The following ACOX3 variants were observed in gnomAD, a reference collection of about 807,000 sequenced individuals.
ACOX3 encodes the protein peroxisomal acyl-coenzyme A oxidase 3.
Under a neutral mutation model 81.5 loss-of-function variants are expected in ACOX3, and 73 were observed. That is an observed-to-expected ratio of 0.90 (90% CI 0.74 to 1.09). ACOX3 has a LOEUF of 1.09. Among genes scored for constraint, ACOX3 ranks in the 50% least tolerant of loss-of-function variants. ACOX3 has a pLI of 0.00. For synonymous variants in ACOX3, 387 were observed against 375.1 expected, an observed-to-expected ratio of 1.03 and a Z score of -0.37; for missense variants, 947 against 928.0, an observed-to-expected ratio of 1.02 and a Z score of -0.27.
rs1321098073 is a variant in ACOX3 at position 8,386,210 on chromosome 4, G to A, written c.1537+2963C>T. On this transcript the variant is annotated intron_variant, in intron 13 of 17. Coordinates refer to ENST00000356406, the MANE Select transcript of ACOX3 (RefSeq NM_003501.3). This position sits in a 1 kb window ranked among gnomAD's most constrained non-coding sequence, Gnocchi z 5.2. Reference sequence around the variant, plus strand: ...TTAGGAAAAAGGTATTGGTTGGGTTGAAGTTACCACAATGATTAGGTCATT... The same window carrying A: ...TTAGGAAAAAGGTATTGGTTGGGTTAAAGTTACCACAATGATTAGGTCATT... Among the ~76,000 whole-genome samples, 1 of 152,194 alleles carries A rather than the reference G, an allele frequency of 6.6e-6. No individual in the cohort carries two copies. The highest frequency in any genetic ancestry group is 1.5e-5 in the Non-Finnish European group (1 of 68,046).
At chr4:8,413,114 C>T (rs1446303719) in intron 5 of ACOX3, among the ~76,000 whole-genome samples, 3 of 138,918 alleles carry the variant, frequency 2.2e-5, no homozygotes, top group Non-Finnish European at 4.7e-5. Flanking sequence ...ATCTGTGGCC[C>T]ATCTCACTGC....
At chr4:8,355,991 T>C in the ACOX3 span, 1 of 171,886 alleles carries the variant, frequency 5.8e-6, no homozygotes, top group Non-Finnish European at 1.3e-5. Context: ...ACCAATTTTA[T>C]GTTCTCATCA....
chr4:8,371,070 T>C, intron 16 of ACOX3, 76 bp from the exon 17 acceptor site: 1 of 1,437,478 alleles, frequency 7.0e-7, no homozygotes. Context: ...CAGCCCCGTG[T>C]GTGGTTGCCA....
Position 8,377,257 on chromosome 4 carries a change from C to T in ACOX3, c.1654-2105G>A, listed in dbSNP as rs370598037. On this transcript the variant is annotated intron_variant, in intron 14 of 17. Transcript: ENST00000356406. ...GAATCTGAGTGAGCCCTGTGCCCCG[C>T]ACCACTCTCCCCGTCGCCTGCACAG... Among the ~76,000 whole-genome samples the T allele has an allele frequency of 8.5e-5, 13 of 152,328 alleles. No individual in the cohort carries two copies. The East Asian group carries it at 2.3e-3, about 27-fold the overall frequency.
Position 8,405,888 on chromosome 4 carries a change from G to C in ACOX3, c.776+67C>G, listed in dbSNP as rs983504897. Reference sequence around the variant, plus strand: ...CATCCATGGGGCCAGTGAGATCTCAGACATGAGCGACAACGCAGCCTGGGC... The same window carrying C: ...CATCCATGGGGCCAGTGAGATCTCACACATGAGCGACAACGCAGCCTGGGC... On this transcript the variant is annotated intron_variant, in intron 7 of 17. Coordinates refer to ENST00000356406, the MANE Select transcript of ACOX3 (RefSeq NM_003501.3). The surrounding 1 kb of genome is among the most constrained non-coding windows in gnomAD (Gnocchi z 7.1). 2.7e-6 allele frequency: 4 copies of C among 1,480,822 alleles called. No homozygotes were observed. The African/African-American group carries it at 4.2e-5, about 15-fold the overall frequency. 91.7% of individuals were successfully genotyped at this position (1,480,822 alleles called of 1,614,324 possible).
In ACOX3 at chr4:8,373,509, T is replaced by C. The variant is rs1450951804; in HGVS notation, c.1896+52A>G. 46 of 1,596,522 alleles carry C rather than the reference T, an allele frequency of 2.9e-5. No homozygotes were observed. In the Admixed American group the frequency reaches 6.0e-4, roughly 21 times the overall value. On this transcript the variant is annotated intron_variant, in intron 16 of 17. Coordinates refer to ENST00000356406, the MANE Select transcript of ACOX3 (RefSeq NM_003501.3). ...GATGCTAAGGGGATGCGTGTCGCTCTGGGCGGTTGTGTAACATGGATGTAG... is the reference window on the plus strand; with the variant it reads ...GATGCTAAGGGGATGCGTGTCGCTCCGGGCGGTTGTGTAACATGGATGTAG...
At chr4:8,357,224 C>T in the ACOX3 span, 6 of 456,618 alleles carry the variant, frequency 1.3e-5, no homozygotes, top group Middle Eastern at 3.2e-4. Flanking sequence ...CACACTAACA[C>T]GTTCCCAGCA....
intron 6 of ACOX3, among the ~76,000 whole-genome samples, chr4:8,408,630 C>G (rs917008122): frequency 6.6e-6 from 1 of 152,230 alleles, no homozygotes; most frequent in African/African-American, 2.4e-5. Context: ...ACAAGGCACA[C>G]TGGCCTCAGG....
intron 17 of ACOX3, 35 bp from the exon 18 acceptor site, chr4:8,367,115 A>C: frequency 6.2e-7 from 1 of 1,603,686 alleles, no homozygotes; most frequent in Non-Finnish European, 8.5e-7. Flanking sequence ...GTGAAGACAA[A>C]GAAATAAGAA....
chr4:8,434,566 T>C (rs1034702841), intron 1 of ACOX3, among the ~76,000 whole-genome samples: 3 of 152,210 alleles, frequency 2.0e-5, no homozygotes, highest in East Asian at 1.9e-4. Flanking sequence ...GAGTGGTGCA[T>C]GGCAAGCCCC....
At chr4:8,364,482 T>G (rs775158074), downstream of ACOX3, among the ~76,000 whole-genome samples, 1 of 151,706 alleles carries the variant, frequency 6.6e-6, no homozygotes, top group Non-Finnish European at 1.5e-5. The surrounding 1 kb of genome is among the most constrained non-coding windows in gnomAD (Gnocchi z 5.0). Flanking sequence ...CTCTCCTGCA[T>G]GAGAACCCGT....
At chr4:8,387,222 G>A (rs1444328153) in intron 13 of ACOX3, among the ~76,000 whole-genome samples, 2 of 152,276 alleles carry the variant, frequency 1.3e-5, no homozygotes, top group African/African-American at 4.8e-5. Flanking sequence ...TCAGTCCACG[G>A]TACAAACACC....
rs2109016124 is a variant in ACOX3 at position 8,423,801 on chromosome 4, A to G, written c.-14-7266T>C. Among the ~76,000 whole-genome samples, 1 of 152,320 alleles carries G rather than the reference A, an allele frequency of 6.6e-6. No individual in the cohort carries two copies. The highest frequency in any genetic ancestry group is 1.9e-4 in the East Asian group (1 of 5,182). ...TTGCCTTTGAAGATCCTTTGAATCTAATGTCTCAACACACCTGGACTGTTT... is the reference window on the plus strand; with the variant it reads ...TTGCCTTTGAAGATCCTTTGAATCTGATGTCTCAACACACCTGGACTGTTT... On this transcript the variant is annotated intron_variant, in intron 1 of 17. Coordinates refer to ENST00000356406, the MANE Select transcript of ACOX3 (RefSeq NM_003501.3). The surrounding 1 kb of genome is among the most constrained non-coding windows in gnomAD (Gnocchi z 4.2).
chr4:8,360,219 A>G, the ACOX3 span, among the ~76,000 whole-genome samples: 1 of 152,186 alleles, frequency 6.6e-6, no homozygotes, highest in Admixed American at 6.5e-5. Context: ...TATATGTATT[A>G]TGTGTGTGAT....
At chr4:8,418,218 G>A (rs1445567489) in intron 1 of ACOX3, among the ~76,000 whole-genome samples, 4 of 152,084 alleles carry the variant, frequency 2.6e-5, no homozygotes, top group African/African-American at 9.7e-5. Context: ...CATCACAAGA[G>A]AACTAGAAAT....
chr4:8,392,300 C>A lies in ACOX3; in HGVS notation c.1300+33G>T, dbSNP rs373138268. ...TAGAGTCAAACAGCAGGGCTAAGGACAGGAAACCACCATGCGCTTCTCCAA... is the reference window on the plus strand; with the variant it reads ...TAGAGTCAAACAGCAGGGCTAAGGAAAGGAAACCACCATGCGCTTCTCCAA... On this transcript the variant is annotated intron_variant, in intron 11 of 17. Coordinates refer to ENST00000356406, the MANE Select transcript of ACOX3 (RefSeq NM_003501.3). The A allele has an allele frequency of 3.4e-6, 5 of 1,485,446 alleles. No homozygotes were observed. The African/African-American group carries it at 7.1e-5, about 21-fold the overall frequency. 92.0% of individuals were successfully genotyped at this position (1,485,446 alleles called of 1,614,324 possible). A position where few individuals can be genotyped will look rare whatever the true frequency, so the allele number is the denominator to read the frequency against.
At chr4:8,377,883 G>A (rs568240941) in intron 14 of ACOX3, among the ~76,000 whole-genome samples, 10 of 152,278 alleles carry the variant, frequency 6.6e-5, no homozygotes, top group South Asian at 6.2e-4. Context: ...TAGGGCTGGC[G>A]CACTCCAGCC....
At chr4:8,379,693 A>G (rs1392211086) in intron 14 of ACOX3, among the ~76,000 whole-genome samples, 1 of 152,218 alleles carries the variant, frequency 6.6e-6, no homozygotes, top group Non-Finnish European at 1.5e-5. Flanking sequence ...TCTAAGAGAC[A>G]CAGGTGTTGT....
chr4:8,366,833 T>C lies in ACOX3; in HGVS notation c.*128A>G. On this transcript the variant is annotated 3_prime_UTR_variant, in exon 18 of 18. Coordinates refer to ENST00000356406, the MANE Select transcript of ACOX3 (RefSeq NM_003501.3). ...TGGGCAGTTGAGGCCAATCAGCAGT[T>C]TAGGCGCACAGGTGCGGGCTCAGAA... is the stretch of plus-strand genomic sequence containing the variant. 2 of 1,371,706 alleles carry C rather than the reference T, an allele frequency of 1.5e-6. No individual in the cohort carries two copies. Among genetic ancestry groups the C allele is most frequent in the Non-Finnish European group, 2.0e-6 (2 of 1,004,010 alleles). The allele number at this position is 1,371,706 out of a possible 1,614,324, so 85.0% of individuals were successfully genotyped here. A position where few individuals can be genotyped will look rare whatever the true frequency, so the allele number is the denominator to read the frequency against.
Sources: gnomAD v4.1 joint callset for allele counts (sites outside exome capture counted in the v4.1 genomes callset) on GRCh38, gnomAD v4.1.1 for gene constraint, Gnocchi (gnomAD v3.1) non-coding constraint, MANE v1.5 for transcripts, NCBI Gene and HGNC (gene_info 2026-07-23, HGNC 2026-07-21) for gene names.